The following IMPG1 variants were observed in gnomAD, a reference collection of about 807,000 sequenced individuals.
IMPG1 encodes the protein interphotoreceptor matrix proteoglycan of 150 kDa.
A neutral mutation model predicts 92.0 loss-of-function variants in IMPG1; 85 were observed. The ratio of observed to expected loss-of-function variants is 0.92; its 90% CI spans 0.78 to 1.11. The LOEUF (loss-of-function observed/expected upper bound fraction) is 1.11, where lower values mean the gene tolerates loss of function less well. IMPG1 is among the 50% of genes least tolerant of loss of function. IMPG1 has a pLI of 0.00. For synonymous variants in IMPG1, 367 were observed against 334.1 expected, an observed-to-expected ratio of 1.10 and a Z score of -1.08; for missense variants, 1,022 against 956.0, an observed-to-expected ratio of 1.07 and a Z score of -0.91.
chr6:75,956,069 G>T (rs1782115016), intron 12 of IMPG1, among the ~76,000 whole-genome samples: 1 of 151,850 alleles, frequency 6.6e-6, no homozygotes, highest in Admixed American at 6.6e-5. Context: ...TTTTTTTGTT[G>T]TGTCTCTGCC....
intron 4 of IMPG1, among the ~76,000 whole-genome samples, chr6:76,030,694 G>A (rs1364044897): frequency 6.6e-6 from 1 of 152,144 alleles, no homozygotes; most frequent in African/African-American, 2.4e-5. Context: ...GGCCCCTTCT[G>A]CTGGGAATCC....
intron 7 of IMPG1, among the ~76,000 whole-genome samples, chr6:76,014,508 G>A (rs749420732): frequency 1.3e-5 from 2 of 152,182 alleles, no homozygotes; most frequent in Non-Finnish European, 2.9e-5. Context: ...GAAGGTCTGT[G>A]TACATGCTTC....
chr6:75,936,336 T>G (rs937425754), intron 14 of IMPG1, among the ~76,000 whole-genome samples: 1 of 152,256 alleles, frequency 6.6e-6, no homozygotes, highest in African/African-American at 2.4e-5. Flanking sequence ...AGTTCAGTGA[T>G]TCAAAGAAAT....
chr6:76,027,553 G>T (rs1277014690), intron 4 of IMPG1, among the ~76,000 whole-genome samples: 4 of 152,182 alleles, frequency 2.6e-5, no homozygotes, highest in Non-Finnish European at 2.9e-5. Context: ...TTGGCCTAGG[G>T]TTAAAGGATT....
At position 75,924,451 on chromosome 6, in the gene IMPG1, CAT is replaced by C. The variant is rs200946953; in HGVS notation, c.2244-747_2244-746del. The stretch of plus-strand genomic sequence containing the variant: ...TAATTAATATAATTATATAATATAA[CAT>C]AATTATATAATATAAATATAATTAT... On this transcript the variant is annotated intron_variant, in intron 15 of 16. Coordinates refer to ENST00000369950, the MANE Select transcript of IMPG1 (RefSeq NM_001563.4). 0.015 allele frequency among the ~76,000 whole-genome samples: 1,193 copies of C among 80,082 alleles called. 58 individuals carry two copies. In the East Asian group the frequency reaches 0.18, roughly 12 times the overall value. The allele number at this position is 80,082 out of a possible 152,430, so 52.5% of individuals were successfully genotyped here.
In IMPG1 at chr6:76,041,997, T is replaced by C. The variant is rs760154192; in HGVS notation, c.197A>G (p.His66Arg). 2 of 1,613,890 alleles carry C rather than the reference T, an allele frequency of 1.2e-6. No individual in the cohort carries two copies. The highest frequency in any genetic ancestry group is 1.7e-5 in the Admixed American group (1 of 60,014). Residue 66 changes from histidine to arginine, a missense_variant, in exon 2 of 17, where the codon CAT (histidine) becomes CGT (arginine). Physicochemically the swap from His to Arg is conservative, Grantham distance 29 (BLOSUM62 0). Around this residue, in one of 3 missense-constraint regions of IMPG1, gnomAD observed 681 missense variants for 583.6 expected, o/e 1.17. Coordinates refer to ENST00000369950, the MANE Select transcript of IMPG1 (RefSeq NM_001563.4). Reference sequence around the variant, plus strand: ...GAAAAATGCGGATCTTTTTGTTCGATGCTTTGCCAAATCGAATATTCGTCT... The same window carrying C: ...GAAAAATGCGGATCTTTTTGTTCGACGCTTTGCCAAATCGAATATTCGTCT... The part of the protein sequence containing the change: ...TMRRIFDLAK[H>R]RTKRSAFFPT...
At chr6:76,027,438 C>T (rs1271393963) in intron 4 of IMPG1, among the ~76,000 whole-genome samples, 3 of 152,086 alleles carry the variant, frequency 2.0e-5, no homozygotes, top group Non-Finnish European at 4.4e-5. Flanking sequence ...AACATTATAC[C>T]ATGTAATTGA....
At position 76,030,178 on chromosome 6, in the gene IMPG1, A is replaced by G. The variant is rs181232463; in HGVS notation, c.497+4137T>C. 5.3e-5 allele frequency among the ~76,000 whole-genome samples: 8 copies of G among 152,260 alleles called. No individual in the cohort carries two copies. The East Asian group carries it at 1.5e-3, about 29-fold the overall frequency. On this transcript the variant is annotated intron_variant, in intron 4 of 16. Transcript: ENST00000369950. ...GCTACTGACAGTAGCAGGGATAGAG[A>G]CATAAGGGAGAGCAGATCATTCTTA...
At chr6:76,028,021 G>T (rs898353683) in intron 4 of IMPG1, among the ~76,000 whole-genome samples, 1 of 152,162 alleles carries the variant, frequency 6.6e-6, no homozygotes, top group African/African-American at 2.4e-5. Context: ...AGGTACCTGG[G>T]ATTGTCAAAA....
rs999853206 is a variant in IMPG1, at chr6:75,931,075, T to C, written c.2121A>G (p.Glu707=). 8.1e-6 allele frequency: 13 copies of C among 1,614,068 alleles called. No individual in the cohort carries two copies. Among genetic ancestry groups the C allele is most frequent in the Admixed American group, 1.7e-5 (1 of 60,008 alleles). ...AQCVKNERTE[E]AECRCKPGYD... ...ATCCTGGTTTGCAGCGACACTCCGC[T>C]TCCTCAGTCCGTTCGTTCTTTACAC... The change falls in exon 15 of 17, where the codon GAA becomes GAG. Residue 707 remains glutamate (E), a synonymous_variant. Coordinates refer to ENST00000369950, the MANE Select transcript of IMPG1 (RefSeq NM_001563.4).
intron 1 of IMPG1, among the ~76,000 whole-genome samples, chr6:76,065,197 C>T (rs1784288926): frequency 6.6e-6 from 1 of 151,794 alleles, no homozygotes. Context: ...TTACAGGATC[C>T]CCAAAAGATT....
intron 1 of IMPG1, among the ~76,000 whole-genome samples, chr6:76,045,441 CTTT>C (rs10700038): frequency 2.5e-5 from 3 of 122,430 alleles, no homozygotes; most frequent in Non-Finnish European, 3.3e-5. Context: ...CAACCTCCAT[CTTT>C]TTTTTTTTTT....
intron 12 of IMPG1, among the ~76,000 whole-genome samples, chr6:75,961,149 C>G (rs1323993426): frequency 6.6e-6 from 1 of 152,126 alleles, no homozygotes; most frequent in African/African-American, 2.4e-5. Flanking sequence ...GGAACAAGTA[C>G]AGATGAAAGG....
At chr6:75,981,865 T>C (rs1582083845) in intron 12 of IMPG1, among the ~76,000 whole-genome samples, 1 of 152,254 alleles carries the variant, frequency 6.6e-6, no homozygotes, top group Non-Finnish European at 1.5e-5. Flanking sequence ...GGGGACACTT[T>C]AGTAGTTCCA....
intron 12 of IMPG1, among the ~76,000 whole-genome samples, chr6:76,001,631 C>G (rs1782991329): frequency 6.6e-6 from 1 of 152,120 alleles, no homozygotes; most frequent in Non-Finnish European, 1.5e-5. Flanking sequence ...CAGCCAACAG[C>G]TTTGGGTGAG....
chr6:76,072,615 T>C lies in IMPG1; in HGVS notation c.-127A>G, dbSNP rs1784419787. On this transcript the variant is annotated 5_prime_UTR_variant, in exon 1 of 17. Transcript: ENST00000369950. ...AGATGATTGAGGATAACCTTCTTGG[T>C]TTACCTTTATGAGGGTGTTAATTTA... The C allele has an allele frequency of 1.7e-6, 1 of 582,332 alleles. No individual in the cohort carries two copies. The highest frequency in any genetic ancestry group is 3.0e-6 in the Non-Finnish European group (1 of 334,590). 36.1% of individuals were successfully genotyped at this position (582,332 alleles called of 1,614,324 possible).
intron 14 of IMPG1, among the ~76,000 whole-genome samples, chr6:75,937,053 C>T (rs1396617680): frequency 2.0e-5 from 3 of 152,086 alleles, no homozygotes; most frequent in South Asian, 2.1e-4. Context: ...TGCAGTGCTG[C>T]GTGTCCCAGG....
chr6:75,945,860 C>G (rs1394242371), intron 14 of IMPG1, among the ~76,000 whole-genome samples: 1 of 152,168 alleles, frequency 6.6e-6, no homozygotes, highest in Non-Finnish European at 1.5e-5. Context: ...TGAGAAGCTG[C>G]TCCCTACAGC....
At position 75,979,197 on chromosome 6, in the gene IMPG1, G is replaced by A. The variant is rs187912576; in HGVS notation, c.1291+23721C>T. Among the ~76,000 whole-genome samples, 406 of 152,222 alleles carry A rather than the reference G, an allele frequency of 2.7e-3. 1 individual carries two copies. Among genetic ancestry groups the A allele is most frequent in the African/African-American group, 9.2e-3 (384 of 41,540 alleles). ...CTCCCAAAGTGCTGGGATTACAGGC[G>A]TGAGCCACTGCACCCCACCAAGATT... is the stretch of plus-strand genomic sequence containing the variant. On this transcript the variant is annotated intron_variant, in intron 12 of 16. Coordinates refer to ENST00000369950, the MANE Select transcript of IMPG1 (RefSeq NM_001563.4).
Sources: allele counts gnomAD v4.1 joint callset (sites outside exome capture counted in the v4.1 genomes callset), GRCh38; gene constraint gnomAD v4.1.1; regional missense constraint gnomAD v4.1.1; transcripts MANE v1.5; gene names NCBI Gene and HGNC (gene_info 2026-07-23, HGNC 2026-07-21).